The following ACTN2 variants were observed in gnomAD, a reference collection of about 807,000 sequenced individuals.
ACTN2 encodes actinin alpha 2, also known as alpha-actinin-2.
A neutral mutation model predicts 113.8 loss-of-function variants in ACTN2; 39 were observed. That is an observed-to-expected ratio of 0.34 (90% CI 0.27 to 0.45). The LOEUF is 0.45. ACTN2 is among the 20% of genes least tolerant of loss of function. ACTN2 has a pLI of 1.00. For synonymous variants in ACTN2, 429 were observed against 444.1 expected (o/e 0.97, Z 0.43); for missense variants, 992 against 1,177.9 (o/e 0.84, Z 2.31).
At position 236,745,960 on chromosome 1, in the gene ACTN2, A is replaced by G. The variant is rs554383438; in HGVS notation, c.1406+1184A>G. On this transcript the variant is annotated intron_variant, in intron 12 of 20. Coordinates refer to ENST00000366578, the MANE Select transcript of ACTN2 (RefSeq NM_001103.4). ...GGGCTGATCACGAGGTCAGGAGATC[A>G]AGACCATCCTGGCTAACACGGTGAA... is the stretch of plus-strand genomic sequence containing the variant. Among the ~76,000 whole-genome samples the G allele has an allele frequency of 4.5e-4, 69 of 152,040 alleles. 1 individual carries two copies. In the South Asian group the frequency reaches 5.0e-3, roughly 11 times the overall value.
intron 1 of ACTN2, among the ~76,000 whole-genome samples, chr1:236,694,241 C>T (rs1425021924): frequency 6.0e-5 from 8 of 132,976 alleles, no homozygotes; most frequent in African/African-American, 1.4e-4. Context: ...TTTTTTGAGA[C>T]GGAGTTTCAC....
chr1:236,718,971 A>G lies in ACTN2; in HGVS notation c.319A>G (p.Ile107Val). Residue 107 changes from isoleucine to valine, a missense_variant, in exon 3 of 21, where the codon ATA becomes GTA. Physicochemically the swap from Ile to Val is conservative, Grantham distance 29 (BLOSUM62 3). Transcript: ENST00000366578. ...IANVNKALDY[I>V]ASKGVKLVSI... ...TAATGTCAACAAAGCTTTGGATTAC[A>G]TAGCCAGCAAAGGGGTGAAACTGGT... is the stretch of plus-strand genomic sequence containing the variant. 1 of 1,614,214 alleles carries G rather than the reference A, an allele frequency of 6.2e-7. No individual in the cohort carries two copies.
intron 15 of ACTN2, among the ~76,000 whole-genome samples, chr1:236,752,471 A>G (rs1659424063): frequency 7.1e-6 from 1 of 141,668 alleles, no homozygotes; most frequent in Non-Finnish European, 1.5e-5. Context: ...AAAGAGAGAC[A>G]GGAAACAAAC....
chr1:236,761,310 C>A, intron 20 of ACTN2, 137 bp downstream of exon 20: 1 of 1,039,450 alleles, frequency 9.6e-7, no homozygotes, highest in Non-Finnish European at 1.4e-6. Context: ...TTTCAGAAGG[C>A]AGCAGATAGA....
intron 6 of ACTN2, 124 bp downstream of exon 6, chr1:236,727,880 A>G: frequency 1.2e-6 from 1 of 859,366 alleles, no homozygotes; most frequent in African/African-American, 1.7e-5. Context: ...GCCACCAGGA[A>G]AAAGCACATT....
chr1:236,717,457 C>G (rs984764212), intron 1 of ACTN2, among the ~76,000 whole-genome samples: 3 of 152,052 alleles, frequency 2.0e-5, no homozygotes, highest in African/African-American at 7.2e-5. Context: ...AAACAAAACA[C>G]TGTTATTTAT....
At chr1:236,691,850 A>G (rs1180420004) in intron 1 of ACTN2, among the ~76,000 whole-genome samples, 2 of 152,156 alleles carry the variant, frequency 1.3e-5, no homozygotes, top group East Asian at 1.9e-4. Flanking sequence ...TCTGTGGCTC[A>G]TGGTGTGTTT....
At chr1:236,742,817 A>G in intron 10 of ACTN2, 79 bp from the exon 11 acceptor site, 15 of 1,567,890 alleles carry the variant, frequency 9.6e-6, no homozygotes, top group Non-Finnish European at 1.3e-5. Context: ...GGAGGGATTT[A>G]TAGAAGAAGC....
At chr1:236,721,091 G>A (rs995400633) in intron 4 of ACTN2, among the ~76,000 whole-genome samples, 17 of 134,784 alleles carry the variant, frequency 1.3e-4, no homozygotes, top group Non-Finnish European at 1.1e-4. Context: ...TCAGTGGCGC[G>A]ATCTTGGCTC....
rs886046211 is a variant in ACTN2 at position 236,763,892 on chromosome 1, C to T, written c.*1273C>T. On this transcript the variant is annotated 3_prime_UTR_variant, in exon 21 of 21. Coordinates refer to ENST00000366578, the MANE Select transcript of ACTN2 (RefSeq NM_001103.4). ...ATACTGCTGTAGGCTATAATTCCCC[C>T]CTGTTTTTCCATCTTGTTGACAGCT... The T allele has an allele frequency of 2.6e-5, 4 of 152,266 alleles. No individual in the cohort carries two copies. Among genetic ancestry groups the T allele is most frequent in the East Asian group, 3.9e-4 (2 of 5,176 alleles). The allele number at this position is 152,266 out of a possible 1,614,324, so 9.4% of individuals were successfully genotyped here.
rs1658843350 is a variant in ACTN2 at position 236,735,558 on chromosome 1, C to T, written c.698-77C>T. ...CCAATTTGTTCTTCCCTCTGTTCTC[C>T]CTGGTTTCTCTCCTTCGTCTGTATG... On this transcript the variant is annotated intron_variant, in intron 7 of 20. Coordinates refer to ENST00000366578, the MANE Select transcript of ACTN2 (RefSeq NM_001103.4). 6.1e-6 allele frequency: 8 copies of T among 1,315,572 alleles called. No individual in the cohort carries two copies. In the South Asian group the frequency reaches 8.3e-5, roughly 14 times the overall value. The allele number at this position is 1,315,572 out of a possible 1,614,324, so 81.5% of individuals were successfully genotyped here. A position where few individuals can be genotyped will look rare whatever the true frequency, so the allele number is the denominator to read the frequency against.
intron 1 of ACTN2, among the ~76,000 whole-genome samples, chr1:236,696,590 A>T (rs1349456016): frequency 6.6e-6 from 1 of 152,114 alleles, no homozygotes; most frequent in African/African-American, 2.4e-5. Context: ...GAAATACTTG[A>T]TGCTGACCAT....
At chr1:236,699,916 AC>A (rs1177342301) in intron 1 of ACTN2, among the ~76,000 whole-genome samples, 1 of 152,234 alleles carries the variant, frequency 6.6e-6, no homozygotes, top group Non-Finnish European at 1.5e-5. Flanking sequence ...TATGAAAGAA[AC>A]TGGCATGAAG....
intron 7 of ACTN2, among the ~76,000 whole-genome samples, chr1:236,732,772 C>T (rs1334121959): frequency 6.6e-6 from 1 of 152,124 alleles, no homozygotes; most frequent in Non-Finnish European, 1.5e-5. Context: ...GGATACCAGT[C>T]ACATTGCATT....
chr1:236,734,415 C>T (rs1658804540), intron 7 of ACTN2: 2 of 1,521,806 alleles, frequency 1.3e-6, no homozygotes, highest in African/African-American at 2.8e-5. Flanking sequence ...CGCGGTTAAC[C>T]TTCTTTTCTC....
In ACTN2 at chr1:236,719,121, C is replaced by T. The variant is rs1658307680; in HGVS notation, c.361+108C>T. On this transcript the variant is annotated intron_variant, in intron 3 of 20. Transcript: ENST00000366578. ...TCCCTCCCTTTCACCATTTACTGTA[C>T]CTGCCTTGTATCAGGCTCTCTCTTA... 2.0e-6 allele frequency: 3 copies of T among 1,498,114 alleles called. No homozygotes were observed. In the South Asian group the frequency reaches 3.5e-5, roughly 18 times the overall value. 92.8% of individuals were successfully genotyped at this position (1,498,114 alleles called of 1,614,324 possible). A position where few individuals can be genotyped will look rare whatever the true frequency, so the allele number is the denominator to read the frequency against.
At chr1:236,696,393 G>A (rs568437104) in intron 1 of ACTN2, among the ~76,000 whole-genome samples, 1 of 151,890 alleles carries the variant, frequency 6.6e-6, no homozygotes, top group South Asian at 2.1e-4. Flanking sequence ...GTTTTGCAAA[G>A]GTAGTTATAA....
intron 11 of ACTN2, among the ~76,000 whole-genome samples, chr1:236,743,920 A>G (rs1297538606): frequency 6.6e-6 from 1 of 152,176 alleles, no homozygotes; most frequent in Non-Finnish European, 1.5e-5. Flanking sequence ...TCGTATTTAG[A>G]AAGCATTTAG....
chr1:236,757,651 T>C lies in ACTN2; in HGVS notation c.2301+19T>C. 6.2e-7 allele frequency: 1 copy of C among 1,614,078 alleles called. No homozygotes were observed. On this transcript the variant is annotated intron_variant, in intron 18 of 20. Transcript: ENST00000366578. ...TGACAGGGTACCACTCTCTACTTAT[T>C]TGAAGGGCAATACTGGGGACATTAA... is the stretch of plus-strand genomic sequence containing the variant.
Sources: allele counts gnomAD v4.1 joint callset (sites outside exome capture counted in the v4.1 genomes callset), GRCh38; gene constraint gnomAD v4.1.1; transcripts MANE v1.5; gene names NCBI Gene and HGNC (gene_info 2026-07-23, HGNC 2026-07-21).